KCNMB2: variants seen among roughly 807,000 people sequenced by gnomAD.
The protein encoded by KCNMB2 is calcium-activated potassium channel subunit beta-2.
Under a neutral mutation model 24.5 loss-of-function variants are expected in KCNMB2, and 9 were observed. That is an observed-to-expected ratio of 0.37 (90% confidence interval 0.22 to 0.64). KCNMB2 has a LOEUF of 0.64. KCNMB2 is among the 30% of genes least tolerant of loss of function. The pLI is 0.63. For missense variants in KCNMB2, 226 were observed against 284.3 expected (o/e 0.79, Z 1.47); for synonymous variants, 109 against 104.4 (o/e 1.04, Z -0.27).
chr3:178,673,298 A>C (rs1720967312), intron 1 of KCNMB2, among the ~76,000 whole-genome samples: 1 of 152,120 alleles, frequency 6.6e-6, no homozygotes, highest in South Asian at 2.1e-4. Context: ...CATAAACCTC[A>C]AGTGGGCCTA....
At chr3:178,646,326 A>G (rs1477782) in intron 1 of KCNMB2, among the ~76,000 whole-genome samples, 27,132 of 152,152 alleles carry the variant, frequency 0.18, 2,588 homozygotes, top group African/African-American at 0.23. Context: ...CTCAACCTCC[A>G]TGACAAAGGT....
intron 1 of KCNMB2, among the ~76,000 whole-genome samples, chr3:178,563,175 C>T (rs1342011007): frequency 6.6e-6 from 1 of 152,128 alleles, no homozygotes; most frequent in African/African-American, 2.4e-5. Flanking sequence ...TTGAAGGTTG[C>T]TATACAGATG....
chr3:178,599,553 T>C (rs958732133), intron 1 of KCNMB2, among the ~76,000 whole-genome samples: 3 of 152,210 alleles, frequency 2.0e-5, no homozygotes, highest in Admixed American at 6.5e-5. Context: ...CACTCATCCT[T>C]ACACATGACT....
chr3:178,685,752 C>CT (rs147761994), intron 1 of KCNMB2, among the ~76,000 whole-genome samples: 6,950 of 152,256 alleles, frequency 0.046, 184 homozygotes, highest in Middle Eastern at 0.099. Context: ...GCAGTGCTTT[C>CT]TTTTTAAACA....
intron 1 of KCNMB2, among the ~76,000 whole-genome samples, chr3:178,688,708 G>A (rs1296649195): frequency 6.6e-6 from 1 of 151,994 alleles, no homozygotes; most frequent in Non-Finnish European, 1.5e-5. Flanking sequence ...TAACCATTGA[G>A]TTTCTAGCTC....
At chr3:178,727,189 G>C (rs565706381) in intron 1 of KCNMB2, among the ~76,000 whole-genome samples, 25 of 152,118 alleles carry the variant, frequency 1.6e-4, no homozygotes, top group African/African-American at 6.0e-4. Context: ...TTGAATCTAC[G>C]TACTGGCCTC....
chr3:178,565,985 AC>A (rs1560110796), intron 1 of KCNMB2, among the ~76,000 whole-genome samples: 1 of 152,240 alleles, frequency 6.6e-6, no homozygotes, highest in Non-Finnish European at 1.5e-5. Flanking sequence ...AGGTAGACAA[AC>A]TAAATGATAG....
At chr3:178,620,546 C>T (rs1484621196) in intron 1 of KCNMB2, among the ~76,000 whole-genome samples, 1 of 152,156 alleles carries the variant, frequency 6.6e-6, no homozygotes, top group Admixed American at 6.6e-5. Context: ...GGTACCTTCT[C>T]ACTGTGCTCT....
At chr3:178,609,605 A>G (rs187161380) in intron 1 of KCNMB2, among the ~76,000 whole-genome samples, 1 of 151,738 alleles carries the variant, frequency 6.6e-6, no homozygotes, top group Admixed American at 6.6e-5. Flanking sequence ...GTCATTTCAT[A>G]GTGTGAGATC....
chr3:178,795,124 T>C (rs1330433559), intron 1 of KCNMB2: 1 of 152,074 alleles, frequency 6.6e-6, no homozygotes, highest in Non-Finnish European at 1.5e-5. Context: ...ATGGTTTGTT[T>C]TGTTTGTTTT....
chr3:178,611,617 A>G (rs1449975868), intron 1 of KCNMB2, among the ~76,000 whole-genome samples: 1 of 152,180 alleles, frequency 6.6e-6, no homozygotes, highest in Non-Finnish European at 1.5e-5. Context: ...AGGCAGGAGA[A>G]TGGTGTGAAC....
At chr3:178,598,910 C>A (rs1300472641) in intron 1 of KCNMB2, among the ~76,000 whole-genome samples, 2 of 152,036 alleles carry the variant, frequency 1.3e-5, no homozygotes, top group East Asian at 3.9e-4. Flanking sequence ...CAGAACCCAA[C>A]CCAAAATATT....
chr3:178,550,728 G>C (rs1363022529), intron 1 of KCNMB2, among the ~76,000 whole-genome samples: 1 of 152,004 alleles, frequency 6.6e-6, no homozygotes, highest in Non-Finnish European at 1.5e-5. Context: ...CCACTAGTGT[G>C]GCAATTATGT....
chr3:178,611,892 T>C (rs1042676535), intron 1 of KCNMB2, among the ~76,000 whole-genome samples: 4 of 152,194 alleles, frequency 2.6e-5, no homozygotes, highest in African/African-American at 7.2e-5. Flanking sequence ...CACTGATAGC[T>C]ATAAACTTCC....
intron 1 of KCNMB2, among the ~76,000 whole-genome samples, chr3:178,720,610 G>A (rs1451074194): frequency 7.8e-6 from 1 of 128,234 alleles, no homozygotes; most frequent in African/African-American, 3.2e-5. Flanking sequence ...GTGTAAAAGT[G>A]TTCCTATTTC....
intron 1 of KCNMB2, among the ~76,000 whole-genome samples, chr3:178,714,925 G>T (rs1476881837): frequency 6.6e-6 from 1 of 152,206 alleles, no homozygotes; most frequent in Non-Finnish European, 1.5e-5. Context: ...AGTTGCATCT[G>T]CAGCTTCCTG....
At chr3:178,553,593 A>G (rs955419118) in intron 1 of KCNMB2, among the ~76,000 whole-genome samples, 4 of 148,402 alleles carry the variant, frequency 2.7e-5, no homozygotes, top group Non-Finnish European at 5.9e-5. Context: ...GTGCAGTGGC[A>G]CCACCTCAGC....
chr3:178,698,881 C>A (rs566757223), intron 1 of KCNMB2, among the ~76,000 whole-genome samples: 2 of 152,180 alleles, frequency 1.3e-5, no homozygotes, highest in African/African-American at 4.8e-5. Context: ...TTTTAGGGGG[C>A]CAACCCTCAG....
At chr3:178,625,556 G>GTCTA (rs777740874) in intron 1 of KCNMB2, among the ~76,000 whole-genome samples, 1 of 152,220 alleles carries the variant, frequency 6.6e-6, no homozygotes, top group Non-Finnish European at 1.5e-5. Flanking sequence ...TCATAGCAAA[G>GTCTA]TCTATCAGGA....
Sources: allele counts gnomAD v4.1 joint callset (sites outside exome capture counted in the v4.1 genomes callset), GRCh38; gene constraint gnomAD v4.1.1; transcripts MANE v1.5; gene names NCBI Gene and HGNC (gene_info 2026-07-23, HGNC 2026-07-21).